Variants in AHDC1 observed in about 807,000 individuals in gnomAD.
The protein encoded by AHDC1 is AT-hook DNA binding motif containing 1, also known as transcription factor Gibbin.
Under a neutral mutation model 87.9 loss-of-function variants are expected in AHDC1, and 7 were observed. The observed-to-expected ratio is 0.08, with a 90% CI of 0.05 to 0.15. AHDC1 has a LOEUF of 0.15. AHDC1 is among the 10% of genes least tolerant of loss of function. AHDC1 has a pLI of 1.00. For synonymous variants in AHDC1, 1,051 were observed against 1,006.8 expected (o/e 1.04, Z -0.83); for missense variants, 1,841 against 2,253.2 (o/e 0.82, Z 3.70).
chr1:27,584,829 G>A (rs1211329107), intron 3 of AHDC1, among the ~76,000 whole-genome samples: 1 of 152,114 alleles, frequency 6.6e-6, no homozygotes, highest in African/African-American at 2.4e-5. Context: ...CCCCAGAGAT[G>A]CCTTATCCCC....
At chr1:27,571,617 G>C (rs1031394742) in intron 3 of AHDC1, among the ~76,000 whole-genome samples, 2 of 152,080 alleles carry the variant, frequency 1.3e-5, no homozygotes, top group African/African-American at 4.8e-5. Context: ...AGGAGGGGGG[G>C]GTGGCTGCTT....
At chr1:27,589,763 CTG>C (rs1312050749) in intron 3 of AHDC1, among the ~76,000 whole-genome samples, 1 of 152,162 alleles carries the variant, frequency 6.6e-6, no homozygotes, top group African/African-American at 2.4e-5. Context: ...ATCTCAGACT[CTG>C]TGACACGTGG....
intron 8 of AHDC1, among the ~76,000 whole-genome samples, chr1:27,545,826 T>C (rs2019138325): frequency 6.6e-6 from 1 of 151,978 alleles, no homozygotes; most frequent in African/African-American, 2.4e-5. Context: ...TAAATTTCCT[T>C]GAAAAGATGG....
intron 3 of AHDC1, among the ~76,000 whole-genome samples, chr1:27,572,320 G>A (rs766492660): frequency 6.6e-6 from 1 of 152,142 alleles, no homozygotes; most frequent in Non-Finnish European, 1.5e-5. Context: ...GATTAAGACA[G>A]GAGACCTCCC....
rs2089200047 is a variant in AHDC1, at chr1:27,590,760, G to C, written c.-629+12637C>G. 6.6e-6 allele frequency among the ~76,000 whole-genome samples: 1 copy of C among 152,166 alleles called. No individual in the cohort carries two copies. The highest frequency in any genetic ancestry group is 2.4e-5 in the African/African-American group (1 of 41,428). Reference sequence around the variant, plus strand: ...CACAATGAGTCAGAGGCAAAATCCAGTCATCTGGACTTGTCTTAATGCTGC... The same window carrying C: ...CACAATGAGTCAGAGGCAAAATCCACTCATCTGGACTTGTCTTAATGCTGC... On this transcript the variant is annotated intron_variant, in intron 3 of 8. Transcript: ENST00000673934. The surrounding 1 kb of genome is among the most constrained non-coding windows in gnomAD (Gnocchi z 5.4).
chr1:27,592,464 G>A (rs997633833), intron 3 of AHDC1, among the ~76,000 whole-genome samples: 5 of 152,204 alleles, frequency 3.3e-5, no homozygotes, highest in Admixed American at 6.5e-5. Context: ...ACAGGGGTGC[G>A]GAGCTGGGGG....
intron 3 of AHDC1, among the ~76,000 whole-genome samples, chr1:27,566,449 CA>C (rs1014032989): frequency 5.9e-5 from 9 of 151,942 alleles, no homozygotes; most frequent in African/African-American, 7.2e-5. Context: ...GACACACGCA[CA>C]GGGGGGAAGA....
intron 8 of AHDC1, among the ~76,000 whole-genome samples, chr1:27,539,669 C>T (rs1436738747): frequency 6.6e-6 from 1 of 152,114 alleles, no homozygotes; most frequent in Non-Finnish European, 1.5e-5. Flanking sequence ...TGGTCTCGAA[C>T]TCCTGACCTC....
At position 27,547,251 on chromosome 1, in the gene AHDC1, C is replaced by T. The variant is rs2019209374; in HGVS notation, c.*43+10G>A. ...GCCTCTGCCCACTGCGCCCACATCC[C>T]CAGACTCACCCAGGAACAAAACCTC... On this transcript the variant is annotated intron_variant, in intron 8 of 8. Coordinates refer to ENST00000673934, the MANE Select transcript of AHDC1 (RefSeq NM_001371928.1). This position sits in a 1 kb window ranked among gnomAD's most constrained non-coding sequence, Gnocchi z 4.9. The T allele has an allele frequency of 6.7e-7, 1 of 1,500,698 alleles. No homozygotes were observed. The highest frequency in any genetic ancestry group is 8.9e-7 in the Non-Finnish European group (1 of 1,123,406). 93.0% of individuals were successfully genotyped at this position (1,500,698 alleles called of 1,614,324 possible).
At chr1:27,535,291 C>CCT (rs1343177651) in intron 8 of AHDC1, among the ~76,000 whole-genome samples, 2 of 152,190 alleles carry the variant, frequency 1.3e-5, no homozygotes, top group African/African-American at 4.8e-5. Context: ...CTTCTGTGAG[C>CCT]CTCAGTTTGC....
intron 3 of AHDC1, among the ~76,000 whole-genome samples, chr1:27,599,254 C>T (rs563631764): frequency 6.0e-4 from 91 of 152,218 alleles, no homozygotes; most frequent in African/African-American, 2.1e-3. Flanking sequence ...GGTTGGGCCC[C>T]CTCCCTCTCC....
At chr1:27,541,222 C>G (rs2018901981) in intron 8 of AHDC1, among the ~76,000 whole-genome samples, 1 of 152,164 alleles carries the variant, frequency 6.6e-6, no homozygotes, top group Non-Finnish European at 1.5e-5. Flanking sequence ...GCCTGCCCTG[C>G]TCACAACGGT....
Position 27,547,955 on chromosome 1 carries a change from G to C in AHDC1, c.4161C>G (p.Pro1387=). The stretch of plus-strand genomic sequence containing the variant: ...TCTGCAGGCCGGCGTCAAACACCGT[G>C]GGTGGGTGGGCCAGCGGTGGGAAAT... The part of the protein sequence containing the change: ...GKHFPPLAHP[P]TVFDAGLQKA... Residue 1387 remains proline (P), a synonymous_variant, in exon 8 of 9, where the codon CCC becomes CCG. Transcript: ENST00000673934. The surrounding 1 kb of genome is among the most constrained non-coding windows in gnomAD (Gnocchi z 4.9). 6.3e-7 allele frequency: 1 copy of C among 1,596,518 alleles called. No homozygotes were observed. Among genetic ancestry groups the C allele is most frequent in the Non-Finnish European group, 8.6e-7 (1 of 1,168,752 alleles).
rs143138183 is a variant in AHDC1, at chr1:27,560,096, CTGTG to C, written c.-628-1217_-628-1214del. 5.9e-5 allele frequency among the ~76,000 whole-genome samples: 9 copies of C among 152,172 alleles called. No homozygotes were observed. The highest frequency in any genetic ancestry group is 5.8e-4 in the East Asian group (3 of 5,184). ...GCTCAGTTGTGGCTGCTGTGGTCAG[CTGTG>C]TGTGTGTATGTGTGATGCCAGCTTA... On this transcript the variant is annotated intron_variant, in intron 3 of 8. Transcript: ENST00000673934. This position sits in a 1 kb window ranked among gnomAD's most constrained non-coding sequence, Gnocchi z 4.1.
chr1:27,570,999 C>G (rs2020541364), intron 3 of AHDC1, among the ~76,000 whole-genome samples: 1 of 152,084 alleles, frequency 6.6e-6, no homozygotes, highest in Non-Finnish European at 1.5e-5. Flanking sequence ...ATCCCCCCAG[C>G]CTGGGGGAGC....
chr1:27,604,177 C>A (rs1321470225), upstream of AHDC1: 1 of 153,350 alleles, frequency 6.5e-6, no homozygotes, highest in South Asian at 1.8e-4. Flanking sequence ...GCTCACCATC[C>A]GGAACCCCAG....
intron 3 of AHDC1, among the ~76,000 whole-genome samples, chr1:27,581,703 T>C (rs1571318414): frequency 6.6e-6 from 1 of 152,176 alleles, no homozygotes; most frequent in East Asian, 1.9e-4. Context: ...TACATCTTCC[T>C]CAAATCCCAT....
At chr1:27,545,414 C>A (rs1172006728) in intron 8 of AHDC1, among the ~76,000 whole-genome samples, 1 of 152,164 alleles carries the variant, frequency 6.6e-6, no homozygotes, top group Non-Finnish European at 1.5e-5. Context: ...TGGATGGCAT[C>A]CCAGTTCCTC....
chr1:27,543,085 C>T (rs767771724), intron 8 of AHDC1, among the ~76,000 whole-genome samples: 3 of 152,340 alleles, frequency 2.0e-5, no homozygotes, highest in African/African-American at 4.8e-5. Flanking sequence ...CTGCTGACCC[C>T]GGCTGGATGG....
Sources: allele counts gnomAD v4.1 joint callset (sites outside exome capture counted in the v4.1 genomes callset), GRCh38; gene constraint gnomAD v4.1.1; non-coding constraint Gnocchi (gnomAD v3.1); transcripts MANE v1.5; gene names NCBI Gene and HGNC (gene_info 2026-07-23, HGNC 2026-07-21).